Variants in REEP3 observed in about 807,000 individuals in gnomAD.
The protein encoded by REEP3 is receptor expression-enhancing protein 3.
A neutral mutation model predicts 41.3 loss-of-function variants in REEP3; 20 were observed. The observed-to-expected ratio is 0.48, with a 90% confidence interval of 0.34 to 0.70. The LOEUF (loss-of-function observed/expected upper bound fraction) is 0.70. REEP3 is among the 30% of genes least tolerant of loss of function. The probability of loss-of-function intolerance (pLI) is 0.01; values close to 1 mark genes in which losing one functional copy is unlikely to be tolerated. For missense variants in REEP3, 271 were observed against 308.8 expected (o/e 0.88, Z 0.92); for synonymous variants, 104 against 101.8 (o/e 1.02, Z -0.13).
chr10:63,545,955 T>C (rs540004463), intron 1 of REEP3, among the ~76,000 whole-genome samples: 54 of 152,302 alleles, frequency 3.5e-4, no homozygotes, highest in African/African-American at 1.3e-3. Flanking sequence ...AAGTGGATAT[T>C]TGAACAGAGT....
chr10:63,573,366 A>G (rs1022212240), intron 2 of REEP3, among the ~76,000 whole-genome samples: 1 of 152,234 alleles, frequency 6.6e-6, no homozygotes, highest in African/African-American at 2.4e-5. Flanking sequence ...TTTCAGGCTC[A>G]TTCCATCTCA....
intron 1 of REEP3, among the ~76,000 whole-genome samples, chr10:63,552,173 G>A (rs2133361843): frequency 6.6e-6 from 1 of 152,236 alleles, no homozygotes; most frequent in African/African-American, 2.4e-5. Flanking sequence ...GGGAGGCCGA[G>A]GCAGGTGGAT....
Position 63,538,497 on chromosome 10 carries a change from G to A in REEP3, c.32+16920G>A, listed in dbSNP as rs532736438. Among the ~76,000 whole-genome samples, 12 of 152,270 alleles carry A rather than the reference G, an allele frequency of 7.9e-5. No individual in the cohort carries two copies. The South Asian group carries it at 2.5e-3, about 32-fold the overall frequency. The stretch of plus-strand genomic sequence containing the variant: ...ATGTATAATCCTGGCACTTTGGGAG[G>A]CCAAGGCGGGCGGATCACCTGATGT... On this transcript the variant is annotated intron_variant, in intron 1 of 7. Coordinates refer to ENST00000373758, the MANE Select transcript of REEP3 (RefSeq NM_001001330.3).
chr10:63,594,087 A>G (rs1265534274), intron 2 of REEP3, among the ~76,000 whole-genome samples: 2 of 152,074 alleles, frequency 1.3e-5, no homozygotes, highest in Non-Finnish European at 2.9e-5. Flanking sequence ...GTAACAATTA[A>G]ATAGCTAAGG....
At chr10:63,552,561 T>C (rs914499700) in intron 1 of REEP3, among the ~76,000 whole-genome samples, 4 of 152,238 alleles carry the variant, frequency 2.6e-5, no homozygotes, top group Non-Finnish European at 5.9e-5. Context: ...TTGCATCTTA[T>C]TGTCATTTCT....
At chr10:63,571,047 C>T (rs1232821847) in intron 2 of REEP3, among the ~76,000 whole-genome samples, 1 of 152,016 alleles carries the variant, frequency 6.6e-6, no homozygotes, top group Non-Finnish European at 1.5e-5. Flanking sequence ...CCTGGGAGGT[C>T]GAGGCTGCAG....
chr10:63,576,953 C>T (rs1387464772), intron 2 of REEP3, among the ~76,000 whole-genome samples: 1 of 152,212 alleles, frequency 6.6e-6, no homozygotes, highest in Non-Finnish European at 1.5e-5. Flanking sequence ...AATATAGACA[C>T]ATTTGAAGTT....
At chr10:63,601,137 G>A (rs1956168560) in intron 5 of REEP3, among the ~76,000 whole-genome samples, 1 of 151,582 alleles carries the variant, frequency 6.6e-6, no homozygotes, top group African/African-American at 2.4e-5. Flanking sequence ...CTGGGTGACA[G>A]AGCGAGACTC....
chr10:63,600,469 G>C (rs1034715512), intron 5 of REEP3, among the ~76,000 whole-genome samples: 1 of 152,016 alleles, frequency 6.6e-6, no homozygotes, highest in Admixed American at 6.6e-5. Flanking sequence ...GCTTTTAAAG[G>C]CTTTTTCTTT....
chr10:63,556,431 A>G (rs1409205518), intron 1 of REEP3, among the ~76,000 whole-genome samples: 1 of 150,490 alleles, frequency 6.6e-6, no homozygotes, highest in East Asian at 2.0e-4. Context: ...CTATGATTCT[A>G]TTTTTTAAAT....
intron 1 of REEP3, among the ~76,000 whole-genome samples, chr10:63,551,477 A>G (rs1368293628): frequency 2.6e-5 from 4 of 152,158 alleles, no homozygotes; most frequent in African/African-American, 9.7e-5. Context: ...GGCTGTACAT[A>G]GTGACTTTCT....
chr10:63,599,900 G>A (rs1440989830), intron 5 of REEP3, among the ~76,000 whole-genome samples: 1 of 152,116 alleles, frequency 6.6e-6, no homozygotes, highest in East Asian at 1.9e-4. Context: ...AAATACTTTA[G>A]CATAATTGAT....
chr10:63,532,111 A>G (rs746030835), intron 1 of REEP3, among the ~76,000 whole-genome samples: 4 of 152,210 alleles, frequency 2.6e-5, no homozygotes, highest in Non-Finnish European at 5.9e-5. Flanking sequence ...CTGGTCTTAG[A>G]ATTGATTAAG....
intron 1 of REEP3, among the ~76,000 whole-genome samples, chr10:63,535,668 A>C (rs1955467112): frequency 6.6e-6 from 1 of 152,364 alleles, no homozygotes; most frequent in South Asian, 2.1e-4. Context: ...ACATGTAACA[A>C]ATCCAGAAAT....
chr10:63,573,351 A>G (rs546841421), intron 2 of REEP3, among the ~76,000 whole-genome samples: 1 of 152,292 alleles, frequency 6.6e-6, no homozygotes, highest in African/African-American at 2.4e-5. Context: ...TGGTTTTGCA[A>G]ATTTTTTCAG....
intron 5 of REEP3, among the ~76,000 whole-genome samples, chr10:63,601,954 T>TA (rs1956175426): frequency 6.7e-6 from 1 of 149,840 alleles, no homozygotes; most frequent in Non-Finnish European, 1.5e-5. Flanking sequence ...AATAAATAAA[T>TA]AATAAAAAAT....
chr10:63,544,011 C>A (rs79324516), intron 1 of REEP3, among the ~76,000 whole-genome samples: 22 of 152,134 alleles, frequency 1.4e-4, no homozygotes, highest in African/African-American at 5.3e-4. Flanking sequence ...GTTATGAGAA[C>A]ATGGAGAAAG....
intron 5 of REEP3, among the ~76,000 whole-genome samples, chr10:63,605,932 G>C (rs1485278905): frequency 2.0e-5 from 3 of 152,164 alleles, no homozygotes; most frequent in African/African-American, 7.2e-5. Flanking sequence ...TCTTACAGAG[G>C]CATTTGGGCC....
At chr10:63,566,545 TA>T (rs1231614951) in intron 2 of REEP3, 135 bp downstream of exon 2, 2 of 562,514 alleles carry the variant, frequency 3.6e-6, no homozygotes, top group Non-Finnish European at 6.2e-6. Context: ...GTAACAAAAC[TA>T]ATCTTTTTTA....
Sources: gnomAD v4.1 joint callset for allele counts (sites outside exome capture counted in the v4.1 genomes callset) on GRCh38, gnomAD v4.1.1 for gene constraint, MANE v1.5 for transcripts, NCBI Gene and HGNC (gene_info 2026-07-23, HGNC 2026-07-21) for gene names.